Variants in CCSER2 observed in about 807,000 individuals in gnomAD.
The protein encoded by CCSER2 is serine-rich coiled-coil domain-containing protein 2.
CCSER2 carries 46 observed loss-of-function variants against 92.3 expected under a neutral mutation model. The ratio of observed to expected loss-of-function variants is 0.50; its 90% CI spans 0.39 to 0.64. The LOEUF (loss-of-function observed/expected upper bound fraction) is 0.64. CCSER2 is among the 30% of genes least tolerant of loss of function. The pLI is 0.00. For synonymous variants in CCSER2, 433 were observed against 431.4 expected (o/e 1.00, Z -0.04); for missense variants, 1,244 against 1,238.9 (o/e 1.00, Z -0.06).
At chr10:84,347,067 A>G (rs1416992619) in intron 1 of CCSER2, among the ~76,000 whole-genome samples, 2 of 152,196 alleles carry the variant, frequency 1.3e-5, no homozygotes, top group African/African-American at 2.4e-5. Context: ...GAGTGGACAC[A>G]GCACATGTTT....
chr10:84,465,128 A>G (rs1846317037), intron 7 of CCSER2, among the ~76,000 whole-genome samples: 1 of 151,544 alleles, frequency 6.6e-6, no homozygotes, highest in African/African-American at 2.4e-5. Flanking sequence ...CTTAACACTC[A>G]GTTGAGAACC....
chr10:84,439,543 C>T (rs1422905070), intron 6 of CCSER2, among the ~76,000 whole-genome samples: 2 of 152,134 alleles, frequency 1.3e-5, no homozygotes, highest in Admixed American at 6.6e-5. Context: ...GCAGTATATG[C>T]ACACGAAAGG....
chr10:84,377,566 G>A (rs1410051897), intron 3 of CCSER2, among the ~76,000 whole-genome samples: 1 of 152,042 alleles, frequency 6.6e-6, no homozygotes, highest in Non-Finnish European at 1.5e-5. Flanking sequence ...TGCCTGGTAG[G>A]GTAAGTCTTC....
At position 84,373,829 on chromosome 10, in the gene CCSER2, T is replaced by G; in HGVS notation, c.1614+14T>G. On this transcript the variant is annotated intron_variant, in intron 3 of 9. Coordinates refer to ENST00000372088, the MANE Select transcript of CCSER2 (RefSeq NM_001284240.2). Reference sequence around the variant, plus strand: ...ATGAACAGCATAGTATGTATGGATTTATATACTCTTGGAATATTTTGTTTA... The same window carrying G: ...ATGAACAGCATAGTATGTATGGATTGATATACTCTTGGAATATTTTGTTTA... The G allele has an allele frequency of 3.1e-6, 5 of 1,613,408 alleles. No individual in the cohort carries two copies. Among genetic ancestry groups the G allele is most frequent in the Non-Finnish European group, 4.2e-6 (5 of 1,179,620 alleles).
At chr10:84,468,439 C>T (rs1205498937) in intron 7 of CCSER2, among the ~76,000 whole-genome samples, 1 of 152,112 alleles carries the variant, frequency 6.6e-6, no homozygotes, top group African/African-American at 2.4e-5. Context: ...ACTGTGTAAA[C>T]CATGAATATG....
intron 8 of CCSER2, among the ~76,000 whole-genome samples, chr10:84,473,557 T>A (rs972538066): frequency 6.6e-6 from 1 of 152,134 alleles, no homozygotes; most frequent in African/African-American, 2.4e-5. Flanking sequence ...ACTCAAAGAT[T>A]TTAACAGTAT....
chr10:84,468,916 C>G (rs1564697556), intron 7 of CCSER2, among the ~76,000 whole-genome samples: 1 of 152,070 alleles, frequency 6.6e-6, no homozygotes. Flanking sequence ...TTCCTGCAGT[C>G]TGGTTAATTA....
At chr10:84,361,691 G>C (rs1845511076) in intron 1 of CCSER2, among the ~76,000 whole-genome samples, 1 of 151,322 alleles carries the variant, frequency 6.6e-6, no homozygotes, top group Non-Finnish European at 1.5e-5. Flanking sequence ...GTCCAGGCTA[G>C]AGTGCAGTGG....
intron 3 of CCSER2, among the ~76,000 whole-genome samples, chr10:84,393,551 C>T (rs114543561): frequency 0.012 from 1,802 of 152,088 alleles, 36 homozygotes; most frequent in African/African-American, 0.041. Flanking sequence ...TATTTTGGTG[C>T]ATGTTGGTGG....
intron 3 of CCSER2, chr10:84,390,967 G>T: frequency 1.3e-6 from 1 of 765,646 alleles, no homozygotes; most frequent in Non-Finnish European, 2.5e-6. Context: ...TGATACCCTG[G>T]TCTTTGCATT....
At chr10:84,430,740 G>A (rs1021696692) in intron 5 of CCSER2, among the ~76,000 whole-genome samples, 16 of 152,196 alleles carry the variant, frequency 1.1e-4, no homozygotes, top group Admixed American at 5.9e-4. Context: ...ATGCCACAGA[G>A]CTTGCTGTTT....
rs1025424021 is a variant in CCSER2 at position 84,441,344 on chromosome 10, G to A, written c.2064+2637G>A. 3.9e-5 allele frequency among the ~76,000 whole-genome samples: 6 copies of A among 152,116 alleles called. No homozygotes were observed. In the South Asian group the frequency reaches 1.0e-3, roughly 26 times the overall value. ...ATTTTCAATTTCCAAGAACTTTTGT[G>A]TGTACTATTCCTTATTCATATCATT... On this transcript the variant is annotated intron_variant, in intron 6 of 9. Coordinates refer to ENST00000372088, the MANE Select transcript of CCSER2 (RefSeq NM_001284240.2).
At position 84,342,484 on chromosome 10, in the gene CCSER2, A is replaced by G. The variant is rs1025286175; in HGVS notation, c.-40+13676A>G. On this transcript the variant is annotated intron_variant, in intron 1 of 9. Transcript: ENST00000372088. ...ACCCTGTCATGTACCCTGTCATCCA[A>G]TTTTCTCAGACATTTTGAGAAAATT... Among the ~76,000 whole-genome samples the G allele has an allele frequency of 5.9e-5, 9 of 152,026 alleles. 1 individual carries two copies. The highest frequency in any genetic ancestry group is 2.1e-4 in the South Asian group (1 of 4,826).
At chr10:84,426,507 T>C (rs1263119985) in intron 5 of CCSER2, among the ~76,000 whole-genome samples, 1 of 152,228 alleles carries the variant, frequency 6.6e-6, no homozygotes, top group Non-Finnish European at 1.5e-5. Flanking sequence ...CTTTACTATC[T>C]TTAAAACATA....
chr10:84,357,841 A>G (rs1323271621), intron 1 of CCSER2, among the ~76,000 whole-genome samples: 7 of 152,198 alleles, frequency 4.6e-5, no homozygotes, highest in Non-Finnish European at 7.3e-5. Flanking sequence ...TGTATCCACA[A>G]TAACTTGTGC....
chr10:84,480,550 C>G (rs965291762), intron 9 of CCSER2, among the ~76,000 whole-genome samples: 11 of 152,014 alleles, frequency 7.2e-5, no homozygotes, highest in African/African-American at 2.7e-4. Flanking sequence ...ACTAAGAATA[C>G]TTTATGAGTA....
At chr10:84,443,731 T>A (rs1844729415) in intron 6 of CCSER2, among the ~76,000 whole-genome samples, 3 of 152,122 alleles carry the variant, frequency 2.0e-5, no homozygotes, top group Non-Finnish European at 4.4e-5. Flanking sequence ...AGCAAAGACT[T>A]GGAACCAGCC....
intron 3 of CCSER2, among the ~76,000 whole-genome samples, chr10:84,378,431 A>ATT (rs1564614148): frequency 3.8e-4 from 54 of 141,904 alleles, no homozygotes; most frequent in Non-Finnish European, 6.5e-4. Flanking sequence ...TTTAAAATTA[A>ATT]ATTTTTTTTT....
At chr10:84,351,633 T>C (rs1844864084) in intron 1 of CCSER2, among the ~76,000 whole-genome samples, 1 of 152,164 alleles carries the variant, frequency 6.6e-6, no homozygotes, top group African/African-American at 2.4e-5. Flanking sequence ...GCCTTCCGAA[T>C]AGCTTGGACT....
Sources: allele counts gnomAD v4.1 joint callset (sites outside exome capture counted in the v4.1 genomes callset), GRCh38; gene constraint gnomAD v4.1.1; transcripts MANE v1.5; gene names NCBI Gene and HGNC (gene_info 2026-07-23, HGNC 2026-07-21).